GATAD2A: variants seen among roughly 807,000 people sequenced by gnomAD.
GATAD2A encodes GATA zinc finger domain containing 2A.
Under a neutral mutation model 68.5 loss-of-function variants are expected in GATAD2A, and 12 were observed. The observed-to-expected ratio is 0.18, with a 90% CI of 0.11 to 0.28. GATAD2A has a LOEUF of 0.28. Among genes scored for constraint, GATAD2A ranks in the 10% least tolerant of loss-of-function variants. The pLI, the probability that GATAD2A is intolerant of heterozygous loss-of-function variation, is 1.00. For missense variants in GATAD2A, 755 were observed against 868.5 expected, an observed-to-expected ratio of 0.87 and a Z score of 1.64; for synonymous variants, 410 against 375.3, an observed-to-expected ratio of 1.09 and a Z score of -1.07.
At chr19:19,486,991 G>C (rs1253223843) in intron 2 of GATAD2A, among the ~76,000 whole-genome samples, 1 of 152,212 alleles carries the variant, frequency 6.6e-6, no homozygotes, top group African/African-American at 2.4e-5. Context: ...GAAGTCCAAG[G>C]CTGGGCAAGG....
chr19:19,455,099 A>G (rs1242073087), intron 1 of GATAD2A, among the ~76,000 whole-genome samples: 5 of 152,132 alleles, frequency 3.3e-5, no homozygotes, highest in Admixed American at 6.6e-5. Context: ...ATGTGCTTGT[A>G]ATTCTAGCTA....
At chr19:19,442,776 A>G (rs2055251218) in intron 1 of GATAD2A, among the ~76,000 whole-genome samples, 1 of 152,034 alleles carries the variant, frequency 6.6e-6, no homozygotes, top group Non-Finnish European at 1.5e-5. Context: ...AAGCTGAAAA[A>G]AAAAAAAAAA....
In GATAD2A at chr19:19,508,112, C is replaced by T. The variant is rs890958294; in HGVS notation, c.*2638C>T. On this transcript the variant is annotated 3_prime_UTR_variant, in exon 12 of 12. Transcript: ENST00000683918. ...CGTCAGAATGTGGGAGCCCCCAGCC[C>T]AACTGATTGTAACTGTCCCCTGTTA... 2 of 152,254 alleles carry T rather than the reference C, an allele frequency of 1.3e-5. No individual in the cohort carries two copies. The highest frequency in any genetic ancestry group is 6.5e-5 in the Admixed American group (1 of 15,280). The allele number at this position is 152,254 out of a possible 1,614,324, so 9.4% of individuals were successfully genotyped here.
rs73532115 is a variant in GATAD2A at position 19,475,103 on chromosome 19, C to T, written c.269+9489C>T. Among the ~76,000 whole-genome samples, 1,101 of 152,374 alleles carry T rather than the reference C, an allele frequency of 7.2e-3. 12 individuals carry two copies. Among genetic ancestry groups the T allele is most frequent in the African/African-American group, 0.024 (1,013 of 41,590 alleles). ...GAGGGGTTGTCTTCACAGCGATGTG[C>T]AGAGCTGAGCTTCCACCCCCTGCTC... On this transcript the variant is annotated intron_variant, in intron 2 of 11. Transcript: ENST00000683918.
intron 1 of GATAD2A, among the ~76,000 whole-genome samples, chr19:19,430,372 A>C (rs928101410): frequency 9.2e-5 from 14 of 152,092 alleles, no homozygotes; most frequent in Admixed American, 7.2e-4. Flanking sequence ...TGAAAGTTTG[A>C]TGGGACCATT....
intron 11 of GATAD2A, 39 bp downstream of exon 11, chr19:19,502,565 A>C (rs1329355690): frequency 4.7e-6 from 7 of 1,494,044 alleles, no homozygotes; most frequent in Non-Finnish European, 6.4e-6. Flanking sequence ...GGACCTGCCC[A>C]TTGTGGGGTT....
Position 19,505,513 on chromosome 19 carries a change from C to T in GATAD2A, c.*39C>T. ...CCGTGGAAGACGGGCTCCCTCCTCC[C>T]CCACCTGGCCCCTGGTCTAGAAGGA... On this transcript the variant is annotated 3_prime_UTR_variant, in exon 12 of 12. Coordinates refer to ENST00000683918, the MANE Select transcript of GATAD2A (RefSeq NM_001384528.1). The T allele has an allele frequency of 6.5e-7, 1 of 1,533,928 alleles. No homozygotes were observed. The highest frequency in any genetic ancestry group is 1.4e-5 in the African/African-American group (1 of 71,834).
chr19:19,502,369 C>T lies in GATAD2A; in HGVS notation c.1617C>T (p.Pro539=), dbSNP rs1336613255. The T allele has an allele frequency of 6.2e-7, 1 of 1,613,490 alleles. No homozygotes were observed. Among genetic ancestry groups the T allele is most frequent in the Non-Finnish European group, 8.5e-7 (1 of 1,179,836 alleles). The change falls in exon 11 of 12, where the codon CCC becomes CCT. Residue 539 remains proline (P), a synonymous_variant. Coordinates refer to ENST00000683918, the MANE Select transcript of GATAD2A (RefSeq NM_001384528.1). ...SQLSRGSATT[P]RGVLHTFSPS... is the part of the protein sequence containing the mutation. ...TGTCCCGGGGTTCGGCCACGACGCC[C>T]CGAGGTGTCCTGCACACGTTCAGTC... is the stretch of plus-strand genomic sequence containing the variant.
chr19:19,420,005 CTTTTTTTTTTT>C lies in GATAD2A; in HGVS notation c.-7+13999_-7+14009del, dbSNP rs397859927. On this transcript the variant is annotated intron_variant, in intron 1 of 11. Coordinates refer to ENST00000683918, the MANE Select transcript of GATAD2A (RefSeq NM_001384528.1). Reference sequence around the variant, plus strand: ...GTGTGACCTTGGGCAACCATCTTGACTTTTTTTTTTTTTTTTTTTTTTTGAGACAGAGTCTC... The same window carrying C: ...GTGTGACCTTGGGCAACCATCTTGACTTTTTTTTTTTTGAGACAGAGTCTC... Among the ~76,000 whole-genome samples the C allele has an allele frequency of 1.0e-4, 7 of 68,712 alleles. 1 individual carries two copies. Among genetic ancestry groups the C allele is most frequent in the African/African-American group, 2.9e-4 (4 of 13,762 alleles). 45.1% of individuals were successfully genotyped at this position (68,712 alleles called of 152,430 possible).
chr19:19,472,328 G>C (rs980772823), intron 2 of GATAD2A: 3 of 151,102 alleles, frequency 2.0e-5, no homozygotes, highest in Admixed American at 1.3e-4. Context: ...AGCTTGATTT[G>C]TTTTCTTTTC....
intron 1 of GATAD2A, among the ~76,000 whole-genome samples, chr19:19,453,644 TACC>T (rs2056616994): frequency 6.6e-6 from 1 of 151,792 alleles, no homozygotes; most frequent in African/African-American, 2.4e-5. Context: ...CACAGGCGTG[TACC>T]ACCACAACTG....
In GATAD2A at chr19:19,501,172, A is replaced by T; in HGVS notation, c.1259A>T (p.Gln420Leu). ...VLSREPYMCAQCKTDFTCRWR... is the reference protein window; with the variant it reads ...VLSREPYMCALCKTDFTCRWR... Reference sequence around the variant, plus strand: ...TCCCGGGAGCCCTACATGTGTGCACAGTGCAAGACGGACTTCACGTGCCGC... The same window carrying T: ...TCCCGGGAGCCCTACATGTGTGCACTGTGCAAGACGGACTTCACGTGCCGC... The change falls in exon 9 of 12, where the codon CAG becomes CTG. Residue 420 changes from glutamine (Q) to leucine (L), a missense_variant. Transcript: ENST00000683918. 2 of 1,613,524 alleles carry T rather than the reference A, an allele frequency of 1.2e-6. No homozygotes were observed. The highest frequency in any genetic ancestry group is 1.7e-6 in the Non-Finnish European group (2 of 1,180,008).
At chr19:19,459,048 C>T (rs1033768304) in intron 1 of GATAD2A, among the ~76,000 whole-genome samples, 1 of 152,198 alleles carries the variant, frequency 6.6e-6, no homozygotes, top group Non-Finnish European at 1.5e-5. Context: ...TCAAGTGATG[C>T]TCCTGCCTTG....
chr19:19,463,122 C>T (rs1289822374), intron 1 of GATAD2A, among the ~76,000 whole-genome samples: 1 of 152,176 alleles, frequency 6.6e-6, no homozygotes, highest in African/African-American at 2.4e-5. Context: ...AGGTCCTGGC[C>T]TCCCCTCATC....
chr19:19,404,959 T>C (rs1237324669), upstream of GATAD2A, among the ~76,000 whole-genome samples: 4 of 152,240 alleles, frequency 2.6e-5, no homozygotes, highest in African/African-American at 9.6e-5. Flanking sequence ...AAATTGTATT[T>C]CGCTTTATGT....
At chr19:19,424,529 C>A (rs1243847233) in intron 1 of GATAD2A, among the ~76,000 whole-genome samples, 1 of 152,108 alleles carries the variant, frequency 6.6e-6, no homozygotes, top group South Asian at 2.1e-4. Context: ...TGCGCCTGAC[C>A]TCCACTGAGT....
At chr19:19,429,843 C>T (rs1022176326) in intron 1 of GATAD2A, among the ~76,000 whole-genome samples, 6 of 152,044 alleles carry the variant, frequency 3.9e-5, no homozygotes, top group Admixed American at 6.5e-5. Flanking sequence ...GGGGCTGATT[C>T]TCCGCATCTC....
intron 1 of GATAD2A, among the ~76,000 whole-genome samples, chr19:19,422,716 G>T (rs1192970649): frequency 4.9e-5 from 7 of 142,230 alleles, no homozygotes; most frequent in Admixed American, 1.4e-4. Flanking sequence ...TGTTTTTGTT[G>T]TTTTTTTTTT....
chr19:19,480,570 G>A (rs1172721266), intron 2 of GATAD2A, among the ~76,000 whole-genome samples: 5 of 152,170 alleles, frequency 3.3e-5, no homozygotes, highest in Non-Finnish European at 4.4e-5. Context: ...TCTTCCTGTC[G>A]TACTTTGTCA....
Sources: allele counts gnomAD v4.1 joint callset (sites outside exome capture counted in the v4.1 genomes callset), GRCh38; gene constraint gnomAD v4.1.1; transcripts MANE v1.5; gene names NCBI Gene and HGNC (gene_info 2026-07-23, HGNC 2026-07-21).